PATJ: variants seen among roughly 807,000 people sequenced by gnomAD.
PATJ encodes inaD-like protein.
In PATJ, 190 loss-of-function variants were observed where a neutral mutation model predicts 224.9. The ratio of observed to expected loss-of-function variants is 0.84; its 90% CI spans 0.75 to 0.95. The LOEUF (loss-of-function observed/expected upper bound fraction) is 0.95, where lower values mean the gene tolerates loss of function less well. PATJ is among the 40% of genes least tolerant of loss of function. PATJ has a pLI of 0.00. For synonymous variants in PATJ, 769 were observed against 820.3 expected (o/e 0.94, Z 1.07); for missense variants, 2,121 against 2,270.3 (o/e 0.93, Z 1.34).
At chr1:61,864,086 T>C in intron 19 of PATJ, 152 bp from the exon 20 acceptor site, 2 of 608,498 alleles carry the variant, frequency 3.3e-6, no homozygotes, top group Non-Finnish European at 5.7e-6. Context: ...GGTGAGCTTG[T>C]GTTTCTCCAT....
intron 31 of PATJ, among the ~76,000 whole-genome samples, chr1:62,065,188 G>GT (rs1196436232): frequency 6.6e-6 from 1 of 152,112 alleles, no homozygotes; most frequent in Non-Finnish European, 1.5e-5. Context: ...AAAAGCTTTT[G>GT]TTTTTTTCTT....
rs182287760 is a variant in PATJ at position 61,908,436 on chromosome 1, G to A, written c.3446G>A (p.Gly1149Glu). The A allele has an allele frequency of 8.8e-5, 142 of 1,614,030 alleles. No homozygotes were observed. The South Asian group carries it at 1.5e-3, about 17-fold the overall frequency. ...SEAVEAIKNA[G>E]NPVVFIVQSL... ...GCAGTTGAGGCCATTAAGAATGCAG[G>A]AAACCCTGTGGTGTTCATTGTTCAG... The change falls in exon 25 of 44, where the codon GGA becomes GAA. Residue 1149 changes from glycine to glutamate, a missense_variant. By Grantham distance (98) the Gly-to-Glu change is moderately conservative. Transcript: ENST00000642238.
chr1:62,047,934 T>C (rs1020878084), intron 30 of PATJ, among the ~76,000 whole-genome samples: 3 of 152,288 alleles, frequency 2.0e-5, no homozygotes, highest in South Asian at 2.1e-4. Flanking sequence ...GTTTGAAAGA[T>C]TGTGAGTCTT....
At chr1:62,039,237 A>G (rs1270884314) in intron 30 of PATJ, 5 of 360,222 alleles carry the variant, frequency 1.4e-5, no homozygotes, top group Non-Finnish European at 2.7e-5. Flanking sequence ...GCACTTTTCT[A>G]TTTACTTAAG....
At chr1:61,911,925 C>G (rs1447967652) in intron 25 of PATJ, among the ~76,000 whole-genome samples, 1 of 149,478 alleles carries the variant, frequency 6.7e-6, no homozygotes, top group African/African-American at 2.4e-5. Context: ...GTTAATGTAT[C>G]ATTACTGCTG....
rs146022073 is a variant in PATJ at position 61,801,652 on chromosome 1, G to A, written c.1432G>A (p.Ala478Thr). 1.1e-5 allele frequency: 17 copies of A among 1,593,962 alleles called. No individual in the cohort carries two copies. Among genetic ancestry groups the A allele is most frequent in the Non-Finnish European group, 1.4e-5 (16 of 1,168,596 alleles). Reference protein sequence around the residue: ...GTVVEPLKPPALFLTGAVETE... With the variant: ...GTVVEPLKPPTLFLTGAVETE... ...TGTTGTAGAACCACTGAAACCACCA[G>A]CTCTCTTTCTAACTGGAGCAGTGGA... The change falls in exon 12 of 44, where the codon GCT becomes ACT. Residue 478 changes from alanine (A) to threonine (T), a missense_variant. Transcript: ENST00000642238.
Position 62,086,991 on chromosome 1 carries a change from A to G in PATJ, c.4377+2343A>G, listed in dbSNP as rs1181390143. Among the ~76,000 whole-genome samples the G allele has an allele frequency of 6.6e-6, 1 of 152,162 alleles. No individual in the cohort carries two copies. The highest frequency in any genetic ancestry group is 1.5e-5 in the Non-Finnish European group (1 of 68,022). On this transcript the variant is annotated intron_variant, in intron 33 of 43. Transcript: ENST00000642238. This position sits in a 1 kb window ranked among gnomAD's most constrained non-coding sequence, Gnocchi z 4.0. ...GTGGACAGCGGTACGTTATCAGCTC[A>G]GTGGGCCCCTTGCCTTGTTGCATGG...
chr1:61,971,828 T>TA (rs5774579), intron 27 of PATJ, among the ~76,000 whole-genome samples: 38,384 of 142,772 alleles, frequency 0.27, 5,889 homozygotes, highest in African/African-American at 0.43. Flanking sequence ...CCCTATCTCT[T>TA]AAAAAAAAAA....
chr1:61,828,471 C>T (rs1185330730), intron 16 of PATJ, among the ~76,000 whole-genome samples: 1 of 151,372 alleles, frequency 6.6e-6, no homozygotes, highest in African/African-American at 2.4e-5. Context: ...CTCACTGTAG[C>T]CTCGACCTTC....
intron 21 of PATJ, chr1:61,875,570 T>C (rs1320496690): frequency 1.2e-5 from 5 of 412,088 alleles, no homozygotes; most frequent in African/African-American, 8.4e-5. Flanking sequence ...CAGATTCTGT[T>C]TTTTGAGAAG....
intron 28 of PATJ, 55 bp downstream of exon 28, chr1:61,990,419 A>T: frequency 7.9e-7 from 1 of 1,268,352 alleles, no homozygotes; most frequent in Non-Finnish European, 1.1e-6. Context: ...GGTGCAGTGG[A>T]TGTTGTATAG....
At chr1:61,962,325 G>T (rs976453837) in intron 27 of PATJ, among the ~76,000 whole-genome samples, 4 of 152,178 alleles carry the variant, frequency 2.6e-5, no homozygotes, top group African/African-American at 4.8e-5. Flanking sequence ...TGAATAACAG[G>T]ATATTAAAAT....
intron 43 of PATJ, among the ~76,000 whole-genome samples, chr1:62,156,251 A>G (rs61005784): frequency 6.6e-5 from 10 of 150,740 alleles, no homozygotes; most frequent in Non-Finnish European, 1.2e-4. Flanking sequence ...AATGTAGGCC[A>G]GGCATGGTGG....
At chr1:62,107,505 G>C (rs1037633730) in intron 33 of PATJ, among the ~76,000 whole-genome samples, 4 of 152,092 alleles carry the variant, frequency 2.6e-5, no homozygotes, top group African/African-American at 9.7e-5. Flanking sequence ...GGGGGATGAG[G>C]GTGGGCAAGC....
intron 20 of PATJ, among the ~76,000 whole-genome samples, chr1:61,867,573 A>AT (rs59246792): frequency 0.085 from 12,313 of 144,898 alleles, 584 homozygotes; most frequent in South Asian, 0.14. Context: ...AATCTGTAAA[A>AT]TTTTTTTTTT....
intron 27 of PATJ, among the ~76,000 whole-genome samples, chr1:61,963,241 G>A (rs1232780771): frequency 6.6e-6 from 1 of 152,144 alleles, no homozygotes; most frequent in African/African-American, 2.4e-5. Context: ...AGTTAGGCAC[G>A]TATTTTGTAT....
chr1:61,973,212 C>A lies in PATJ; in HGVS notation c.3671-16956C>A, dbSNP rs537973694. ...TGCCTACACGAGACAGAATTAGTTT[C>A]TTCTCTCATTGAGCTGACAAGAGAG... On this transcript the variant is annotated intron_variant, in intron 27 of 43. Transcript: ENST00000642238. Among the ~76,000 whole-genome samples, 5 of 152,172 alleles carry A rather than the reference C, an allele frequency of 3.3e-5. No homozygotes were observed. The South Asian group carries it at 1.0e-3, about 32-fold the overall frequency.
chr1:62,012,982 G>A (rs1646540579), intron 28 of PATJ, among the ~76,000 whole-genome samples: 1 of 152,218 alleles, frequency 6.6e-6, no homozygotes. Flanking sequence ...TTTCTCCAGA[G>A]GCCTCGGCAT....
chr1:62,134,328 C>CTTTT (rs1666588715), intron 41 of PATJ, among the ~76,000 whole-genome samples: 1 of 77,172 alleles, frequency 1.3e-5, no homozygotes, highest in African/African-American at 5.5e-5. Flanking sequence ...ACCCAGCCCT[C>CTTTT]TCTTTTTTTT....
Sources: allele counts gnomAD v4.1 joint callset (sites outside exome capture counted in the v4.1 genomes callset), GRCh38; gene constraint gnomAD v4.1.1; non-coding constraint Gnocchi (gnomAD v3.1); transcripts MANE v1.5; gene names NCBI Gene and HGNC (gene_info 2026-07-23, HGNC 2026-07-21).